NEMP2: variants seen among roughly 807,000 people sequenced by gnomAD.
NEMP2 encodes the protein UPF0571 transmembrane protein.
In NEMP2, 53 loss-of-function variants were observed where a neutral mutation model predicts 54.2. The ratio of observed to expected loss-of-function variants is 0.98; its 90% CI spans 0.78 to 1.23. The LOEUF (loss-of-function observed/expected upper bound fraction) is 1.23. Among genes scored for constraint, NEMP2 ranks in the 50% most tolerant of loss-of-function variants. The pLI is 0.00. For missense variants in NEMP2, 455 were observed against 511.3 expected, an observed-to-expected ratio of 0.89 and a Z score of 1.06; for synonymous variants, 197 against 190.3, an observed-to-expected ratio of 1.04 and a Z score of -0.29.
the NEMP2 span, chr2:190,617,151 T>C: frequency 6.6e-6 from 1 of 151,730 alleles, no homozygotes; most frequent in Non-Finnish European, 1.5e-5. The surrounding 1 kb of genome is among the most constrained non-coding windows in gnomAD (Gnocchi z 5.0). Flanking sequence ...ATATTTGAAA[T>C]ATTGAATTTT....
Position 190,507,626 on chromosome 2 carries a change from T to C in NEMP2, c.*1563A>G, listed in dbSNP as rs902805905. The C allele has an allele frequency of 1.3e-5, 2 of 151,938 alleles. No homozygotes were observed. Among genetic ancestry groups the C allele is most frequent in the Admixed American group, 6.6e-5 (1 of 15,250 alleles). The allele number at this position is 151,938 out of a possible 1,614,324, so 9.4% of individuals were successfully genotyped here. On this transcript the variant is annotated 3_prime_UTR_variant, in exon 9 of 9. Transcript: ENST00000409150. This position sits in a 1 kb window ranked among gnomAD's most constrained non-coding sequence, Gnocchi z 4.4. ...TTGGTTTTTTAAAAATCCAAGTCTA[T>C]ATAAAGGCAGATTAACTTTAGTGGA...
intron 4 of NEMP2, among the ~76,000 whole-genome samples, chr2:190,518,474 AG>A: frequency 6.6e-6 from 1 of 152,248 alleles, no homozygotes; most frequent in East Asian, 1.9e-4. Context: ...AATAATACAG[AG>A]CTTGCATAGT....
chr2:190,437,589 C>G, the NEMP2 span: 1 of 1,591,896 alleles, frequency 6.3e-7, no homozygotes, highest in South Asian at 1.1e-5. The surrounding 1 kb of genome is among the most constrained non-coding windows in gnomAD (Gnocchi z 5.9). Context: ...ATTGCTGCCC[C>G]TCAGCAATTG....
chr2:190,455,000 A>ATGTATATGTATATGTATATGTATATGTAT, the NEMP2 span, among the ~76,000 whole-genome samples: 38 of 46,604 alleles, frequency 8.2e-4, no homozygotes, highest in East Asian at 1.5e-3. This position sits in a 1 kb window ranked among gnomAD's most constrained non-coding sequence, Gnocchi z 4.6. Flanking sequence ...GTATATGTAT[A>ATGTATATGTATATGTATATGTATATGTAT]ATGTATATGT....
chr2:190,429,914 G>A, the NEMP2 span, among the ~76,000 whole-genome samples: 7 of 151,728 alleles, frequency 4.6e-5, no homozygotes, highest in Non-Finnish European at 8.8e-5. Context: ...TGATACATAT[G>A]TATACATGTG....
Position 190,514,565 on chromosome 2 carries a change from C to T in NEMP2, c.841G>A (p.Val281Ile). The part of the protein sequence containing the change: ...LMWMLRLLSL[V>I]LVYAGVAVPQ... ...ACGGCCACACCAGCATAGACCAGAA[C>T]CAGGGAGAGGAGTCGCAGCATCCAC... The change falls in exon 7 of 9, where the codon GTT becomes ATT. Residue 281 changes from valine to isoleucine, a missense_variant. Physicochemically the swap from Val to Ile is conservative, Grantham distance 29. Transcript: ENST00000409150. The surrounding 1 kb of genome is among the most constrained non-coding windows in gnomAD (Gnocchi z 5.7). The T allele has an allele frequency of 6.4e-7, 1 of 1,551,692 alleles. No individual in the cohort carries two copies. The highest frequency in any genetic ancestry group is 8.7e-7 in the Non-Finnish European group (1 of 1,146,992).
At chr2:190,557,637 AC>A in the NEMP2 span, among the ~76,000 whole-genome samples, 4 of 152,326 alleles carry the variant, frequency 2.6e-5, no homozygotes, top group East Asian at 5.8e-4. Flanking sequence ...GGAAAAAAAA[AC>A]AACCCCATCA....
the NEMP2 span, chr2:190,436,708 C>T: frequency 6.2e-7 from 1 of 1,614,208 alleles, no homozygotes; most frequent in Non-Finnish European, 8.5e-7. This position sits in a 1 kb window ranked among gnomAD's most constrained non-coding sequence, Gnocchi z 5.3. Context: ...ACCCACTCTG[C>T]AGCCCCAGAC....
At chr2:190,550,260 G>T in the NEMP2 span, among the ~76,000 whole-genome samples, 1 of 152,130 alleles carries the variant, frequency 6.6e-6, no homozygotes, top group East Asian at 1.9e-4. The surrounding 1 kb of genome is among the most constrained non-coding windows in gnomAD (Gnocchi z 4.7). Context: ...TAGATTCCAT[G>T]TCTGGTGAGG....
chr2:190,496,218 C>G, the NEMP2 span, among the ~76,000 whole-genome samples: 2 of 151,176 alleles, frequency 1.3e-5, no homozygotes, highest in Non-Finnish European at 2.9e-5. The surrounding 1 kb of genome is among the most constrained non-coding windows in gnomAD (Gnocchi z 4.7). Flanking sequence ...AAATGGCCAA[C>G]AAACATGAAA....
the NEMP2 span, among the ~76,000 whole-genome samples, chr2:190,450,171 C>G: frequency 6.6e-6 from 1 of 152,034 alleles, no homozygotes; most frequent in Non-Finnish European, 1.5e-5. Context: ...TGTCAGTTTA[C>G]TGCGTTTTTA....
the NEMP2 span, among the ~76,000 whole-genome samples, chr2:190,455,273 A>G: frequency 6.3e-5 from 9 of 141,776 alleles, no homozygotes. Flanking sequence ...TAAGTTATTC[A>G]TAGCTCTATT....
chr2:190,430,067 A>G, the NEMP2 span, among the ~76,000 whole-genome samples: 3 of 150,412 alleles, frequency 2.0e-5, no homozygotes, highest in Admixed American at 6.7e-5. Flanking sequence ...TCATTGTTCA[A>G]TTTCCACCTA....
intron 4 of NEMP2, among the ~76,000 whole-genome samples, chr2:190,518,318 T>C (rs1690635850): frequency 6.6e-6 from 1 of 152,228 alleles, no homozygotes; most frequent in Non-Finnish European, 1.5e-5. Flanking sequence ...TTCAGCCTTC[T>C]GTATCACGGT....
the NEMP2 span, among the ~76,000 whole-genome samples, chr2:190,432,208 A>G: frequency 2.6e-5 from 4 of 152,206 alleles, no homozygotes; most frequent in East Asian, 7.7e-4. Flanking sequence ...TAGGCTAACC[A>G]GATTTTCTAG....
In NEMP2 at chr2:190,508,212, C is replaced by G. The variant is rs530414910; in HGVS notation, c.*977G>C. On this transcript the variant is annotated 3_prime_UTR_variant, in exon 9 of 9. Coordinates refer to ENST00000409150, the MANE Select transcript of NEMP2 (RefSeq NM_001142645.2). This position sits in a 1 kb window ranked among gnomAD's most constrained non-coding sequence, Gnocchi z 4.3. ...AAGTAATCATAGTATCTAATCCTTA[C>G]GTATGTATATAAAAATCTTACGTAT... 6.6e-6 allele frequency: 1 copy of G among 152,162 alleles called. No homozygotes were observed. Among genetic ancestry groups the G allele is most frequent in the Admixed American group, 6.5e-5 (1 of 15,280 alleles). The allele number at this position is 152,162 out of a possible 1,614,324, so 9.4% of individuals were successfully genotyped here. A position where few individuals can be genotyped will look rare whatever the true frequency, so the allele number is the denominator to read the frequency against.
chr2:190,532,132 C>T (rs1468502276), intron 1 of NEMP2, among the ~76,000 whole-genome samples: 2 of 152,108 alleles, frequency 1.3e-5, no homozygotes, highest in African/African-American at 2.4e-5. Context: ...AGCAAAAAAC[C>T]AACAAGTCTT....
the NEMP2 span, among the ~76,000 whole-genome samples, chr2:190,493,467 C>G: frequency 6.6e-6 from 1 of 152,254 alleles, no homozygotes; most frequent in South Asian, 2.1e-4. Flanking sequence ...CAGCACTAGA[C>G]AGGACATCAA....
At chr2:190,597,570 T>TGTCC in the NEMP2 span, among the ~76,000 whole-genome samples, 1 of 152,150 alleles carries the variant, frequency 6.6e-6, no homozygotes, top group Non-Finnish European at 1.5e-5. The surrounding 1 kb of genome is among the most constrained non-coding windows in gnomAD (Gnocchi z 4.7). Context: ...GTAGAAAGAA[T>TGTCC]GTCCGTGTAG....
Sources: allele counts gnomAD v4.1 joint callset (sites outside exome capture counted in the v4.1 genomes callset), GRCh38; gene constraint gnomAD v4.1.1; non-coding constraint Gnocchi (gnomAD v3.1); transcripts MANE v1.5; gene names NCBI Gene and HGNC (gene_info 2026-07-23, HGNC 2026-07-21).